The following TNRC6B variants were observed in gnomAD, a reference collection of about 807,000 sequenced individuals.
TNRC6B encodes the protein trinucleotide repeat containing adaptor 6B, also known as trinucleotide repeat-containing gene 6B protein.
Under a neutral mutation model 203.6 loss-of-function variants are expected in TNRC6B, and 52 were observed. The observed-to-expected ratio is 0.26, with a 90% CI of 0.20 to 0.32. The LOEUF (loss-of-function observed/expected upper bound fraction) is 0.32, where lower values mean the gene tolerates loss of function less well. Ranked by LOEUF, TNRC6B falls within the 10% of genes least tolerant of loss-of-function variation. The pLI is 1.00. For synonymous variants in TNRC6B, 838 were observed against 845.7 expected (o/e 0.99, Z 0.16); for missense variants, 1,923 against 2,286.2 (o/e 0.84, Z 3.24).
At chr22:40,281,351 A>C in intron 11 of TNRC6B, 62 bp downstream of exon 11, 1 of 1,331,800 alleles carries the variant, frequency 7.5e-7, no homozygotes, top group East Asian at 2.7e-5. Flanking sequence ...CCTGGTCTGC[A>C]GTTTATTGCA....
At position 40,270,161 on chromosome 22, in the gene TNRC6B, C is replaced by A; in HGVS notation, c.2846C>A (p.Thr949Asn). Residue 949 changes from threonine (T) to asparagine (N), a missense_variant, in exon 6 of 23, where the codon ACT (threonine) becomes AAT (asparagine). Thr to Asn is a moderately conservative substitution (Grantham distance 65). Around this residue, in one of 8 missense-constraint regions of TNRC6B, gnomAD observed 599 missense variants for 656.5 expected, o/e 0.91. Coordinates refer to ENST00000454349, the MANE Select transcript of TNRC6B (RefSeq NM_001162501.2). ...KSTPPAPDNGTSAWGEPNESS... is the reference protein window; with the variant it reads ...KSTPPAPDNGNSAWGEPNESS... Reference sequence around the variant, plus strand: ...ACACCACCTGCTCCAGATAATGGTACTTCCGCTTGGGGTGAGCCAAATGAA... The same window carrying A: ...ACACCACCTGCTCCAGATAATGGTAATTCCGCTTGGGGTGAGCCAAATGAA... The A allele has an allele frequency of 6.3e-7, 1 of 1,586,416 alleles. No individual in the cohort carries two copies. Among genetic ancestry groups the A allele is most frequent in the South Asian group, 1.2e-5 (1 of 86,678 alleles).
chr22:40,212,110 T>TG (rs1328313244), intron 1 of TNRC6B, among the ~76,000 whole-genome samples: 3 of 152,262 alleles, frequency 2.0e-5, no homozygotes, highest in Non-Finnish European at 4.4e-5. Context: ...TTGCTTATCT[T>TG]GGAGTTATAG....
At chr22:40,298,896 G>A (rs1283042974) in intron 12 of TNRC6B, among the ~76,000 whole-genome samples, 1 of 151,816 alleles carries the variant, frequency 6.6e-6, no homozygotes, top group Non-Finnish European at 1.5e-5. Flanking sequence ...AACCCAGGAG[G>A]TGGAGCTTGC....
chr22:40,071,512 T>G (rs1175251601), intron 1 of TNRC6B, among the ~76,000 whole-genome samples: 2 of 152,232 alleles, frequency 1.3e-5, no homozygotes, highest in African/African-American at 2.4e-5. Flanking sequence ...TCATTTGGAC[T>G]TTGGTATTAC....
At chr22:40,190,258 C>A (rs145859650) in intron 1 of TNRC6B, among the ~76,000 whole-genome samples, 27 of 152,244 alleles carry the variant, frequency 1.8e-4, no homozygotes, top group African/African-American at 6.0e-4. Context: ...AGCAGATAAC[C>A]ATTCTACATT....
Position 40,264,747 on chromosome 22 carries a change from G to C in TNRC6B, c.517G>C (p.Ala173Pro). 6.2e-7 allele frequency: 1 copy of C among 1,611,022 alleles called. No individual in the cohort carries two copies. Among genetic ancestry groups the C allele is most frequent in the Non-Finnish European group, 8.5e-7 (1 of 1,177,990 alleles). The change falls in exon 5 of 23, where the codon GCC becomes CCC. Residue 173 changes from alanine (A) to proline (P), a missense_variant. By Grantham distance (27) the Ala-to-Pro change is conservative (BLOSUM62 -1). Transcript: ENST00000454349. The part of the protein sequence containing the change: ...NYANSTWGSG[A>P]SSNNGTSPNP... Reference sequence around the variant, plus strand: ...TGCAAATTCCACTTGGGGCTCGGGAGCCTCCTCCAACAACGGCACCTCCCC... The same window carrying C: ...TGCAAATTCCACTTGGGGCTCGGGACCCTCCTCCAACAACGGCACCTCCCC...
chr22:40,116,797 C>T (rs940183752), intron 1 of TNRC6B, among the ~76,000 whole-genome samples: 1 of 152,158 alleles, frequency 6.6e-6, no homozygotes, highest in African/African-American at 2.4e-5. Context: ...CTTTATTGAG[C>T]ATGTGTTTGG....
chr22:40,264,500 C>T (rs539924916), intron 4 of TNRC6B, among the ~76,000 whole-genome samples, 188 bp from the exon 5 acceptor site: 12 of 151,978 alleles, frequency 7.9e-5, no homozygotes, highest in South Asian at 4.2e-4. Context: ...TAGACTTAAC[C>T]GGTGTAACAC....
intron 3 of TNRC6B, among the ~76,000 whole-genome samples, chr22:40,140,314 C>G (rs2068634658): frequency 6.6e-6 from 1 of 152,016 alleles, no homozygotes; most frequent in East Asian, 1.9e-4. Flanking sequence ...TTATTTTGAC[C>G]ATGTGATTAA....
chr22:40,174,452 A>T (rs959994902), upstream of TNRC6B, among the ~76,000 whole-genome samples: 8 of 152,210 alleles, frequency 5.3e-5, no homozygotes, highest in African/African-American at 1.9e-4. Context: ...AAGTGCTGGG[A>T]TTACAGGTAT....
intron 4 of TNRC6B, among the ~76,000 whole-genome samples, chr22:40,170,908 CAT>C (rs1294066127): frequency 2.9e-5 from 4 of 138,718 alleles, no homozygotes; most frequent in Non-Finnish European, 6.2e-5. Flanking sequence ...TATATATGTG[CAT>C]ATATGTGTGT....
intron 4 of TNRC6B, among the ~76,000 whole-genome samples, chr22:40,159,988 A>AT (rs955778622): frequency 4.6e-5 from 7 of 152,048 alleles, no homozygotes; most frequent in Admixed American, 1.3e-4. Flanking sequence ...ATTAAAAAAA[A>AT]TTTTTTTTGT....
At chr22:40,310,305 A>T (rs1280311029) in intron 16 of TNRC6B, among the ~76,000 whole-genome samples, 1 of 152,196 alleles carries the variant, frequency 6.6e-6, no homozygotes, top group Non-Finnish European at 1.5e-5. Context: ...GCAATTGCAG[A>T]TGCTTTTCCC....
At chr22:40,065,031 G>T (rs920310142) in intron 1 of TNRC6B, among the ~76,000 whole-genome samples, 1 of 133,650 alleles carries the variant, frequency 7.5e-6, no homozygotes, top group Non-Finnish European at 1.6e-5. Context: ...GTATGTGTGT[G>T]TTTTTTCTTG....
chr22:40,059,835 T>TC (rs71326795), intron 1 of TNRC6B, among the ~76,000 whole-genome samples: 26 of 138,170 alleles, frequency 1.9e-4, no homozygotes, highest in East Asian at 1.2e-3. Context: ...TTTTTTTTTT[T>TC]CCCCCCGAGA....
chr22:40,239,569 G>C (rs1311998194), intron 1 of TNRC6B, among the ~76,000 whole-genome samples: 1 of 152,184 alleles, frequency 6.6e-6, no homozygotes, highest in Non-Finnish European at 1.5e-5. Context: ...CATTAAAGAG[G>C]ATGGTTTTTG....
intron 3 of TNRC6B, among the ~76,000 whole-genome samples, chr22:40,135,593 A>G (rs1568994014): frequency 6.6e-6 from 1 of 152,146 alleles, no homozygotes; most frequent in African/African-American, 2.4e-5. Context: ...CTTGAATTTA[A>G]TGGGCTCAAG....
Position 40,178,482 on chromosome 22 carries a change from C to G in TNRC6B, c.5+342C>G, listed in dbSNP as rs918915725. ...TAAAAAACACAGACCTCCCCCTCCC[C>G]CCTTAAATCTGCTGCAAAAATTTGC... is the stretch of plus-strand genomic sequence containing the variant. On this transcript the variant is annotated intron_variant, in intron 1 of 22. Coordinates refer to ENST00000454349, the MANE Select transcript of TNRC6B (RefSeq NM_001162501.2). Among the ~76,000 whole-genome samples, 3 of 152,310 alleles carry G rather than the reference C, an allele frequency of 2.0e-5. No individual in the cohort carries two copies. In the East Asian group the frequency reaches 5.8e-4, roughly 29 times the overall value.
intron 7 of TNRC6B, among the ~76,000 whole-genome samples, chr22:40,274,934 A>T (rs1343718050): frequency 2.6e-5 from 4 of 152,208 alleles, no homozygotes; most frequent in Admixed American, 1.3e-4. Context: ...CGAAATGGGC[A>T]TCCAATACTT....
Sources: allele counts gnomAD v4.1 joint callset (sites outside exome capture counted in the v4.1 genomes callset), GRCh38; gene constraint gnomAD v4.1.1; regional missense constraint gnomAD v4.1.1; transcripts MANE v1.5; gene names NCBI Gene and HGNC (gene_info 2026-07-23, HGNC 2026-07-21).